ANKDD1A: variants seen among roughly 807,000 people sequenced by gnomAD.
ANKDD1A encodes ankyrin repeat and death domain-containing protein 1A.
In ANKDD1A, 59 loss-of-function variants were observed where a neutral mutation model predicts 63.5. The observed-to-expected ratio is 0.93, with a 90% CI of 0.75 to 1.15. The LOEUF (loss-of-function observed/expected upper bound fraction) is 1.15, where lower values mean the gene tolerates loss of function less well. ANKDD1A is among the 50% of genes most tolerant of loss of function. ANKDD1A has a pLI of 0.00. For missense variants in ANKDD1A, 632 were observed against 656.4 expected (o/e 0.96, Z 0.41); for synonymous variants, 266 against 263.9 (o/e 1.01, Z -0.08).
chr15:64,953,181 T>C (rs1365427310), intron 14 of ANKDD1A, among the ~76,000 whole-genome samples: 1 of 123,632 alleles, frequency 8.1e-6, no homozygotes, highest in African/African-American at 2.9e-5. Context: ...TTCTTCTTTT[T>C]CTTCTTCCTC....
chr15:64,950,985 G>A (rs1322004520), intron 14 of ANKDD1A: 15 of 1,272,030 alleles, frequency 1.2e-5, no homozygotes, highest in South Asian at 3.8e-5. Flanking sequence ...ACGCAGCCCC[G>A]AGTGCCCCCA....
In ANKDD1A at chr15:64,945,338, G is replaced by C. The variant is rs894727207; in HGVS notation, c.1161+591G>C. 4.0e-4 allele frequency among the ~76,000 whole-genome samples: 60 copies of C among 151,886 alleles called. 2 individuals are homozygous for C. The highest frequency in any genetic ancestry group is 2.9e-5 in the Non-Finnish European group (2 of 67,984). On this transcript the variant is annotated intron_variant, in intron 12 of 14. Transcript: ENST00000319580. Reference sequence around the variant, plus strand: ...GATGGTCCCCGATTACAATGGTTCAGCTTATGATTTTTCTACTTTATGATG... The same window carrying C: ...GATGGTCCCCGATTACAATGGTTCACCTTATGATTTTTCTACTTTATGATG...
intron 9 of ANKDD1A, among the ~76,000 whole-genome samples, chr15:64,940,691 G>T (rs915374410): frequency 6.6e-6 from 1 of 151,904 alleles, no homozygotes; most frequent in African/African-American, 2.4e-5. Flanking sequence ...GCCCACCTCG[G>T]CCTCCCAAAG....
intron 1 of ANKDD1A, among the ~76,000 whole-genome samples, chr15:64,915,262 G>GTA (rs2084960358): frequency 6.6e-6 from 1 of 152,172 alleles, no homozygotes; most frequent in East Asian, 1.9e-4. Context: ...ACAAGATCAC[G>GTA]CCACTGCACT....
intron 14 of ANKDD1A, among the ~76,000 whole-genome samples, chr15:64,952,311 C>CT (rs1446817720): frequency 7.2e-6 from 1 of 138,900 alleles, no homozygotes; most frequent in Non-Finnish European, 1.5e-5. Flanking sequence ...CTCCTTCGTT[C>CT]TTTTTCTTTC....
chr15:64,954,038 TCCTCTTCTTCTTTTC>T (rs2085371277), intron 14 of ANKDD1A, among the ~76,000 whole-genome samples: 51 of 111,236 alleles, frequency 4.6e-4, no homozygotes, highest in Admixed American at 1.3e-3. Context: ...TCTTTCTTCT[TCCTCTTCTTCTTTTC>T]TCCTTCTTCT....
chr15:64,953,164 CCTTCTTTTCTTCTTTTT>C (rs2085332669), intron 14 of ANKDD1A, among the ~76,000 whole-genome samples: 7 of 102,188 alleles, frequency 6.9e-5, no homozygotes, highest in Middle Eastern at 5.7e-3. Context: ...TTTCTTCTTT[CCTTCTTTTCTTCTTTTT>C]CTTCTTCCTC....
At chr15:64,912,058 C>A in intron 1 of ANKDD1A, 94 bp downstream of exon 1, 1 of 1,171,612 alleles carries the variant, frequency 8.5e-7, no homozygotes. Context: ...TGGCGCCCTC[C>A]GAACGGCCAC....
chr15:64,954,990 CTCTTCCTCTTTCCTTCT>C (rs1350845874), intron 14 of ANKDD1A, among the ~76,000 whole-genome samples: 6 of 150,170 alleles, frequency 4.0e-5, no homozygotes, highest in African/African-American at 1.5e-4. Flanking sequence ...CCTGCTTCTC[CTCTTCCTCTTTCCTTCT>C]TCTTCCACTT....
intron 14 of ANKDD1A, among the ~76,000 whole-genome samples, chr15:64,952,883 CTCCTTCT>C (rs1210614541): frequency 4.9e-5 from 5 of 103,026 alleles, no homozygotes; most frequent in East Asian, 8.7e-4. Flanking sequence ...CTTTCTTCTT[CTCCTTCT>C]TCCTTCTCCT....
intron 14 of ANKDD1A, chr15:64,951,276 C>A: frequency 1.0e-6 from 1 of 979,558 alleles, no homozygotes; most frequent in Non-Finnish European, 1.2e-6. Flanking sequence ...TTTATTTCTT[C>A]TTCTTTTTCT....
In ANKDD1A at chr15:64,958,341, T is replaced by A. The variant is rs1464079185; in HGVS notation, c.*1153T>A. 6.6e-6 allele frequency: 1 copy of A among 152,234 alleles called. No homozygotes were observed. Among genetic ancestry groups the A allele is most frequent in the Non-Finnish European group, 1.5e-5 (1 of 68,050 alleles). The allele number at this position is 152,234 out of a possible 1,614,324, so 9.4% of individuals were successfully genotyped here. A position where few individuals can be genotyped will look rare whatever the true frequency, so the allele number is the denominator to read the frequency against. ...ACTTTAGTTAATAGTAACGTGTCAA[T>A]ATTGGTTCATCAGTTGTATCAAATG... On this transcript the variant is annotated 3_prime_UTR_variant, in exon 15 of 15. Coordinates refer to ENST00000319580, the MANE Select transcript of ANKDD1A (RefSeq NM_182703.6).
chr15:64,951,075 A>T, intron 14 of ANKDD1A: 1 of 1,207,870 alleles, frequency 8.3e-7, no homozygotes, highest in Non-Finnish European at 1.1e-6. Context: ...CCTGAACAGA[A>T]GATGACCATC....
intron 2 of ANKDD1A, among the ~76,000 whole-genome samples, chr15:64,916,138 A>G (rs956885893): frequency 1.3e-5 from 2 of 152,256 alleles, no homozygotes; most frequent in Admixed American, 6.5e-5. Context: ...GCAATTCCAG[A>G]GGTCAAACTC....
At chr15:64,956,409 C>T (rs1271324042) in intron 14 of ANKDD1A, among the ~76,000 whole-genome samples, 1 of 152,044 alleles carries the variant, frequency 6.6e-6, no homozygotes, top group Non-Finnish European at 1.5e-5. Context: ...ATTAGCCAGG[C>T]ATGGTGGCGG....
chr15:64,939,044 A>G (rs1195712283), intron 9 of ANKDD1A, among the ~76,000 whole-genome samples: 1 of 152,204 alleles, frequency 6.6e-6, no homozygotes, highest in Admixed American at 6.5e-5. Context: ...AAAACATCAT[A>G]CTAATTAAGA....
At chr15:64,954,305 C>CCTCCTT (rs1555398014) in intron 14 of ANKDD1A, among the ~76,000 whole-genome samples, 5 of 140,714 alleles carry the variant, frequency 3.6e-5, no homozygotes, top group Non-Finnish European at 6.1e-5. Flanking sequence ...CTTTTCTTCT[C>CCTCCTT]CTTCTCTTCC....
chr15:64,952,933 C>G (rs1366515756), intron 14 of ANKDD1A, among the ~76,000 whole-genome samples: 4 of 63,740 alleles, frequency 6.3e-5, no homozygotes, highest in African/African-American at 1.5e-4. Context: ...CTTAGTTCTT[C>G]TTCCTCTTCT....
rs747829826 is a variant in ANKDD1A at position 64,921,986 on chromosome 15, A to G, written c.333A>G (p.Val111=). The change falls in exon 4 of 15, where the codon GTA becomes GTG. Residue 111 remains valine, a synonymous_variant. Coordinates refer to ENST00000319580, the MANE Select transcript of ANKDD1A (RefSeq NM_182703.6). ...FGHLRILQIL[V]NSGAKIHCES... ...ACTTACGAATCCTCCAGATCTTGGTAAACTCAGGGGCCAAGATCCACTGTG... is the reference window on the plus strand; with the variant it reads ...ACTTACGAATCCTCCAGATCTTGGTGAACTCAGGGGCCAAGATCCACTGTG... 6.2e-7 allele frequency: 1 copy of G among 1,614,142 alleles called. No individual in the cohort carries two copies. Among genetic ancestry groups the G allele is most frequent in the South Asian group, 1.1e-5 (1 of 91,076 alleles).
Sources: gnomAD v4.1 joint callset for allele counts (sites outside exome capture counted in the v4.1 genomes callset) on GRCh38, gnomAD v4.1.1 for gene constraint, MANE v1.5 for transcripts, NCBI Gene and HGNC (gene_info 2026-07-23, HGNC 2026-07-21) for gene names.